CCNY: variants seen among roughly 807,000 people sequenced by gnomAD.
CCNY encodes the protein cyclin Y.
In CCNY, 19 loss-of-function variants were observed where a neutral mutation model predicts 42.8. That is an observed-to-expected ratio of 0.44 (90% CI 0.31 to 0.65). The LOEUF (loss-of-function observed/expected upper bound fraction) is 0.65. Ranked by LOEUF, CCNY falls within the 30% of genes least tolerant of loss-of-function variation. CCNY has a pLI of 0.07. For missense variants in CCNY, 370 were observed against 437.3 expected (o/e 0.85, Z 1.37); for synonymous variants, 165 against 162.7 (o/e 1.01, Z -0.11).
intron 1 of CCNY, among the ~76,000 whole-genome samples, chr10:35,474,631 C>G (rs897701930): frequency 4.7e-4 from 72 of 152,172 alleles, no homozygotes; most frequent in African/African-American, 1.7e-3. Context: ...GACATCCACA[C>G]CAAAAACCCA....
At position 35,336,891 on chromosome 10, in the gene CCNY, C is replaced by A; in HGVS notation, c.-163C>A. On this transcript the variant is annotated 5_prime_UTR_variant, in exon 1 of 10. Transcript: ENST00000374704. ...CCATGGCGAGGCCCCGCCGCCGCCG[C>A]CGCTGCTGACCCGGCGGCCGGCCGC... The A allele has an allele frequency of 4.6e-6, 1 of 216,388 alleles. No individual in the cohort carries two copies. Among genetic ancestry groups the A allele is most frequent in the Non-Finnish European group, 7.1e-6 (1 of 140,354 alleles). 13.4% of individuals were successfully genotyped at this position (216,388 alleles called of 1,614,324 possible).
chr10:35,394,002 G>A (rs1288655573), intron 1 of CCNY, among the ~76,000 whole-genome samples: 3 of 152,242 alleles, frequency 2.0e-5, no homozygotes, highest in Non-Finnish European at 4.4e-5. Context: ...CAGAGACAGG[G>A]ATGTGACTGG....
At chr10:35,468,450 T>G (rs1035925355) in intron 1 of CCNY, among the ~76,000 whole-genome samples, 1 of 152,232 alleles carries the variant, frequency 6.6e-6, no homozygotes, top group African/African-American at 2.4e-5. Flanking sequence ...ACAAACATGG[T>G]TCTTTTTTAA....
chr10:35,359,251 T>G (rs1324252410), intron 1 of CCNY, among the ~76,000 whole-genome samples: 10 of 152,192 alleles, frequency 6.6e-5, no homozygotes. Flanking sequence ...GATGCTGTTG[T>G]GTGAATCAGG....
intron 3 of CCNY, among the ~76,000 whole-genome samples, chr10:35,509,148 A>G (rs1039047642): frequency 1.6e-4 from 24 of 152,168 alleles, no homozygotes; most frequent in Admixed American, 7.9e-4. Flanking sequence ...CTGAGATCCA[A>G]AGTTGGCTTA....
chr10:35,536,950 G>C (rs1480391795), intron 7 of CCNY, among the ~76,000 whole-genome samples: 1 of 152,166 alleles, frequency 6.6e-6, no homozygotes, highest in Non-Finnish European at 1.5e-5. Flanking sequence ...CAAGACAATG[G>C]GGAAAATGTC....
chr10:35,292,060 G>C (rs1252181007), intron 3 of CCNY, among the ~76,000 whole-genome samples: 3 of 152,140 alleles, frequency 2.0e-5, no homozygotes, highest in Non-Finnish European at 4.4e-5. Context: ...AGCAATCCTA[G>C]TGGGCGTGAA....
At chr10:35,259,671 TG>T (rs796341678) in intron 3 of CCNY, among the ~76,000 whole-genome samples, 1 of 30,002 alleles carries the variant, frequency 3.3e-5, no homozygotes. Context: ...CCTGGCTAAT[TG>T]TTTTTTTTTT....
chr10:35,396,190 C>G (rs1032546194), intron 1 of CCNY, among the ~76,000 whole-genome samples: 1 of 152,174 alleles, frequency 6.6e-6, no homozygotes, highest in African/African-American at 2.4e-5. Flanking sequence ...GTTCTTTATA[C>G]TCATGGTGGT....
chr10:35,530,168 G>C lies in CCNY; in HGVS notation c.504G>C (p.Gln168His). The change falls in exon 7 of 10, where the codon CAG becomes CAC. Residue 168 changes from glutamine (Q) to histidine (H), a missense_variant. By Grantham distance (24) the Gln-to-His change is conservative (BLOSUM62 0). This residue lies in a region of CCNY where 234 missense variants were observed against 313.1 expected (regional missense o/e 0.75). Transcript: ENST00000374704. This position sits in a 1 kb window ranked among gnomAD's most constrained non-coding sequence, Gnocchi z 4.3. ...PPDYDKHNPEQKQIYRFVRTL... is the reference protein window; with the variant it reads ...PPDYDKHNPEHKQIYRFVRTL... The stretch of plus-strand genomic sequence containing the variant: ...ATTATGACAAACACAACCCAGAGCA[G>C]AAGCAGATTTACCGGTTCGTTCGGA... 1 of 1,614,238 alleles carries C rather than the reference G, an allele frequency of 6.2e-7. No individual in the cohort carries two copies. Among genetic ancestry groups the C allele is most frequent in the Non-Finnish European group, 8.5e-7 (1 of 1,180,044 alleles).
At chr10:35,388,470 G>A (rs899646666) in intron 1 of CCNY, among the ~76,000 whole-genome samples, 2 of 152,182 alleles carry the variant, frequency 1.3e-5, no homozygotes, top group Non-Finnish European at 2.9e-5. Context: ...GGAGCAGGCT[G>A]GAAACTTAGT....
chr10:35,459,059 G>C lies in CCNY; in HGVS notation c.155-24345G>C, dbSNP rs368227508. The stretch of plus-strand genomic sequence containing the variant: ...GAAGAGAACAAATTCTGCTTAGCAT[G>C]TGGAGGGAAGCCCACGTCATATTTT... On this transcript the variant is annotated intron_variant, in intron 1 of 9. Coordinates refer to ENST00000374704, the MANE Select transcript of CCNY (RefSeq NM_145012.6). 1.9e-4 allele frequency among the ~76,000 whole-genome samples: 29 copies of C among 152,346 alleles called. No individual in the cohort carries two copies. The East Asian group carries it at 5.4e-3, about 28-fold the overall frequency.
chr10:35,279,358 C>A (rs1835274257), intron 3 of CCNY, among the ~76,000 whole-genome samples: 1 of 152,040 alleles, frequency 6.6e-6, no homozygotes, highest in Non-Finnish European at 1.5e-5. Flanking sequence ...AAGCAATCCA[C>A]CTGCCTCAGC....
At chr10:35,529,930 C>G in intron 5 of CCNY, 43 bp from the exon 6 acceptor site, 1 of 1,489,540 alleles carries the variant, frequency 6.7e-7, no homozygotes, top group East Asian at 2.3e-5. Context: ...GAATGACATT[C>G]TTGCAGAAAG....
intron 1 of CCNY, among the ~76,000 whole-genome samples, chr10:35,342,003 A>G (rs1173602423): frequency 6.6e-6 from 1 of 152,172 alleles, no homozygotes; most frequent in Middle Eastern, 3.2e-3. Context: ...TGCAATTATG[A>G]ACATAGTCAC....
intron 1 of CCNY, among the ~76,000 whole-genome samples, chr10:35,467,817 T>C (rs529911719): frequency 1.3e-5 from 2 of 152,186 alleles, no homozygotes; most frequent in African/African-American, 4.8e-5. Flanking sequence ...TTGCTGAGAG[T>C]TTTTATCCTA....
intron 3 of CCNY, among the ~76,000 whole-genome samples, chr10:35,267,218 G>A (rs553911964): frequency 3.3e-5 from 5 of 151,890 alleles, no homozygotes; most frequent in East Asian, 1.9e-4. Context: ...TGAGTTGGGG[G>A]GATCACTTGA....
chr10:35,467,777 T>G (rs1459426666), intron 1 of CCNY, among the ~76,000 whole-genome samples: 1 of 152,222 alleles, frequency 6.6e-6, no homozygotes. Flanking sequence ...GCTGTAAGTT[T>G]TTGGCAGATA....
intron 3 of CCNY, among the ~76,000 whole-genome samples, chr10:35,287,294 G>A (rs1474496397): frequency 2.0e-5 from 3 of 151,684 alleles, no homozygotes; most frequent in African/African-American, 7.3e-5. Flanking sequence ...ATTATTTTAG[G>A]GTTCTTTAAA....
Sources: allele counts gnomAD v4.1 joint callset (sites outside exome capture counted in the v4.1 genomes callset), GRCh38; gene constraint gnomAD v4.1.1; regional missense constraint gnomAD v4.1.1; non-coding constraint Gnocchi (gnomAD v3.1); transcripts MANE v1.5; gene names NCBI Gene and HGNC (gene_info 2026-07-23, HGNC 2026-07-21).